The following COPA variants were observed in gnomAD, a reference collection of about 807,000 sequenced individuals.
COPA encodes the protein coatomer subunit alpha.
Under a neutral mutation model 158.7 loss-of-function variants are expected in COPA, and 10 were observed. The observed-to-expected ratio is 0.06, with a 90% confidence interval of 0.04 to 0.11. The LOEUF is 0.11. Ranked by LOEUF, COPA falls within the 10% of genes least tolerant of loss-of-function variation. The probability of loss-of-function intolerance (pLI) is 1.00; values close to 1 mark genes in which losing one functional copy is unlikely to be tolerated. For missense variants in COPA, 1,065 were observed against 1,536.7 expected, an observed-to-expected ratio of 0.69 and a Z score of 5.13; for synonymous variants, 462 against 542.8, an observed-to-expected ratio of 0.85 and a Z score of 2.07.
chr1:160,291,716 C>T, intron 30 of COPA, 103 bp downstream of exon 30: 11 of 1,285,102 alleles, frequency 8.6e-6, no homozygotes, highest in Middle Eastern at 1.9e-4. Context: ...CTAAATTTCT[C>T]TTCATCCCCA....
At chr1:160,298,254 T>A (rs955026664) in intron 19 of COPA, among the ~76,000 whole-genome samples, 2 of 151,858 alleles carry the variant, frequency 1.3e-5, no homozygotes, top group Non-Finnish European at 1.5e-5. Flanking sequence ...ATGGAAATAA[T>A]TACATCGCAT....
At chr1:160,312,089 G>T in intron 10 of COPA, 71 bp from the exon 11 acceptor site, 2 of 1,508,822 alleles carry the variant, frequency 1.3e-6, no homozygotes, top group South Asian at 1.2e-5. Context: ...TTGGAGATAC[G>T]TAAGGATGAA....
chr1:160,290,726 C>T, intron 31 of COPA, 40 bp from the exon 32 acceptor site: 1 of 1,578,300 alleles, frequency 6.3e-7, no homozygotes, highest in Non-Finnish European at 8.7e-7. Context: ...CAGAAGGCTG[C>T]AGACAACACC....
chr1:160,302,150 C>G (rs1658627864), intron 17 of COPA, among the ~76,000 whole-genome samples: 1 of 151,948 alleles, frequency 6.6e-6, no homozygotes, highest in African/African-American at 2.4e-5. Flanking sequence ...GAAATAAATC[C>G]TGGAATTGAT....
chr1:160,310,167 T>C, intron 12 of COPA, 25 bp downstream of exon 12: 1 of 1,493,200 alleles, frequency 6.7e-7, no homozygotes, highest in Non-Finnish European at 9.0e-7. Context: ...GAGGAGAACC[T>C]AGGAGGGCTC....
In COPA at chr1:160,329,316, C is replaced by T. The variant is rs1647395938; in HGVS notation, c.496+3132G>A. ...ACAGCAAGCTAGCACAAAATTCTTA[C>T]TATCACATAAATAAAGTATAGCAAT... On this transcript the variant is annotated intron_variant, in intron 6 of 32. Coordinates refer to ENST00000241704, the MANE Select transcript of COPA (RefSeq NM_004371.4). Among the ~76,000 whole-genome samples, 4 of 152,294 alleles carry T rather than the reference C, an allele frequency of 2.6e-5. No homozygotes were observed. The South Asian group carries it at 8.3e-4, about 32-fold the overall frequency.
At position 160,334,852 on chromosome 1, in the gene COPA, C is replaced by A. The variant is rs139307468; in HGVS notation, c.309+390G>T. The stretch of plus-strand genomic sequence containing the variant: ...TAGAGGGGTATGATTGTTAATACTT[C>A]GAAACGTTTGTTAGCTGATCAAAAT... On this transcript the variant is annotated intron_variant, in intron 4 of 32. Coordinates refer to ENST00000241704, the MANE Select transcript of COPA (RefSeq NM_004371.4). 4.3e-3 allele frequency among the ~76,000 whole-genome samples: 652 copies of A among 152,276 alleles called. 2 individuals are homozygous for A. The highest frequency in any genetic ancestry group is 5.7e-3 in the Non-Finnish European group (390 of 68,022).
At chr1:160,305,901 ATACT>A (rs1000808489) in intron 15 of COPA, 128 bp from the exon 16 acceptor site, 6 of 776,986 alleles carry the variant, frequency 7.7e-6, no homozygotes, top group Admixed American at 2.1e-5. Context: ...ATTACATAAA[ATACT>A]TAATGTAATT....
intron 9 of COPA, 41 bp downstream of exon 9, chr1:160,313,949 A>G: frequency 6.6e-7 from 1 of 1,521,362 alleles, no homozygotes; most frequent in South Asian, 1.3e-5. Flanking sequence ...TTTAAAAGAG[A>G]GAGTAAGAGA....
At chr1:160,291,789 C>T (rs1571147382) in intron 30 of COPA, 30 bp downstream of exon 30, 1 of 1,601,322 alleles carries the variant, frequency 6.2e-7, no homozygotes, top group Non-Finnish European at 8.6e-7. Context: ...AAGGACGTCT[C>T]TGTTGTGCTC....
In COPA at chr1:160,290,552, A is replaced by G; in HGVS notation, c.3555T>C (p.Cys1185=). The G allele has an allele frequency of 6.2e-7, 1 of 1,614,198 alleles. No homozygotes were observed. Among genetic ancestry groups the G allele is most frequent in the Non-Finnish European group, 8.5e-7 (1 of 1,180,024 alleles). Reference sequence around the variant, plus strand: ...GGGAATAGCAGGCCCCACTGAGTGGACACTTTTCTACTGGCTTTCCACGGT... The same window carrying G: ...GGGAATAGCAGGCCCCACTGAGTGGGCACTTTTCTACTGGCTTTCCACGGT... ...PIYRGKPVEK[C]PLSGACYSPE... The change falls in exon 32 of 33, where the codon TGT becomes TGC. Residue 1185 remains cysteine, a synonymous_variant. Transcript: ENST00000241704.
At chr1:160,339,724 A>G in intron 3 of COPA, 185 bp downstream of exon 3, 3 of 510,606 alleles carry the variant, frequency 5.9e-6, no homozygotes, top group Non-Finnish European at 6.9e-6. Flanking sequence ...TTCCCTAAAA[A>G]GAAAACAGTG....
chr1:160,318,483 A>AC lies in COPA; in HGVS notation c.707-4359_707-4358insG, dbSNP rs1174633864. Reference sequence around the variant, plus strand: ...ACAATATTTGTAAAAAAAAAAAAAAAAAAAAAAACAAAAAAAAAAAAAAAA... The same window carrying AC: ...ACAATATTTGTAAAAAAAAAAAAAAACAAAAAAAACAAAAAAAAAAAAAAAA... On this transcript the variant is annotated intron_variant, in intron 8 of 32. Transcript: ENST00000241704. Among the ~76,000 whole-genome samples, 479 of 68,648 alleles carry AC rather than the reference A, an allele frequency of 7.0e-3. 1 individual carries two copies. Among genetic ancestry groups the AC allele is most frequent in the African/African-American group, 0.036 (446 of 12,222 alleles). 45.0% of individuals were successfully genotyped at this position (68,648 alleles called of 152,430 possible). A position where few individuals can be genotyped will look rare whatever the true frequency, so the allele number is the denominator to read the frequency against.
At position 160,293,367 on chromosome 1, in the gene COPA, T is replaced by A. The variant is rs1393251679; in HGVS notation, c.2754+19A>T. On this transcript the variant is annotated intron_variant, in intron 26 of 32. Coordinates refer to ENST00000241704, the MANE Select transcript of COPA (RefSeq NM_004371.4). Reference sequence around the variant, plus strand: ...TATTAGCCACTCATCCCTGCCGTGCTAGGTTTCTTCCCGCTTACCTGAGTT... The same window carrying A: ...TATTAGCCACTCATCCCTGCCGTGCAAGGTTTCTTCCCGCTTACCTGAGTT... 6.2e-7 allele frequency: 1 copy of A among 1,613,522 alleles called. No individual in the cohort carries two copies. The highest frequency in any genetic ancestry group is 2.2e-5 in the East Asian group (1 of 44,882).
chr1:160,307,017 T>C (rs1658809354), intron 14 of COPA, 146 bp downstream of exon 14: 9 of 778,210 alleles, frequency 1.2e-5, no homozygotes, highest in Non-Finnish European at 2.0e-5. Context: ...GGGCTTAGTG[T>C]AGGGCTAGAG....
intron 22 of COPA, 75 bp downstream of exon 22, chr1:160,295,986 T>C: frequency 6.3e-7 from 1 of 1,581,180 alleles, no homozygotes; most frequent in Admixed American, 1.7e-5. Flanking sequence ...GAGAGTGACA[T>C]TCATAATTTT....
intron 8 of COPA, among the ~76,000 whole-genome samples, chr1:160,318,468 T>TAAAAAAAAAAAAAAAAAAAAAA (rs71090307): frequency 7.0e-4 from 11 of 15,632 alleles, no homozygotes; most frequent in Non-Finnish European, 1.3e-3. Context: ...ACAATATTTG[T>TAAAAAAAAAAAAAAAAAAAAAA]AAAAAAAAAA....
rs1224155447 is a variant in COPA at position 160,314,083 on chromosome 1, T to C, written c.749A>G (p.Asn250Ser). Residue 250 changes from asparagine (N) to serine (S), a missense_variant, in exon 9 of 33, where the codon AAC (asparagine) becomes AGC (serine). Coordinates refer to ENST00000241704, the MANE Select transcript of COPA (RefSeq NM_004371.4). ...GTGGAAGACGGCACAAGATACATTG[T>C]TGTAATGGCCCCGGCAGGTATCAAC... ...WEVDTCRGHY[N>S]NVSCAVFHPR... The C allele has an allele frequency of 1.2e-6, 2 of 1,613,904 alleles. No homozygotes were observed. Among genetic ancestry groups the C allele is most frequent in the East Asian group, 2.2e-5 (1 of 44,880 alleles).
chr1:160,333,551 A>G (rs1647626164), intron 5 of COPA, 52 bp downstream of exon 5: 2 of 1,351,652 alleles, frequency 1.5e-6, no homozygotes, highest in African/African-American at 2.9e-5. Context: ...GCTCATTATG[A>G]AAAACTAGGA....
Sources: gnomAD v4.1 joint callset for allele counts (sites outside exome capture counted in the v4.1 genomes callset) on GRCh38, gnomAD v4.1.1 for gene constraint, MANE v1.5 for transcripts, NCBI Gene and HGNC (gene_info 2026-07-23, HGNC 2026-07-21) for gene names.